PLXNB2: variants seen among roughly 807,000 people sequenced by gnomAD.
The protein encoded by PLXNB2 is plexin-B2.
In PLXNB2, 85 loss-of-function variants were observed where a neutral mutation model predicts 202.6. That is an observed-to-expected ratio of 0.42 (90% CI 0.35 to 0.50). The LOEUF is 0.50. Among genes scored for constraint, PLXNB2 ranks in the 20% least tolerant of loss-of-function variants. The probability of loss-of-function intolerance (pLI) is 0.02; values close to 1 mark genes in which losing one functional copy is unlikely to be tolerated. For missense variants in PLXNB2, 2,063 were observed against 2,586.2 expected, an observed-to-expected ratio of 0.80 and a Z score of 4.39; for synonymous variants, 1,239 against 1,137.6, an observed-to-expected ratio of 1.09 and a Z score of -1.79.
At chr22:50,276,509 C>T (rs1461768415) in intron 35 of PLXNB2, 120 bp downstream of exon 35, 10 of 876,894 alleles carry the variant, frequency 1.1e-5, no homozygotes, top group Admixed American at 3.7e-5. Context: ...CTCGAGGTCC[C>T]GCCCCACCCT....
At position 50,291,708 on chromosome 22, in the gene PLXNB2, T is replaced by G. The variant is rs1191551919; in HGVS notation, c.-13-1111A>C. ...CTCTCACGCTAGGGACCCTGCTCCA[T>G]CCTGGCCAGTGATCCCTACATCAGC... is the stretch of plus-strand genomic sequence containing the variant. On this transcript the variant is annotated intron_variant, in intron 2 of 36. Coordinates refer to ENST00000359337, the MANE Select transcript of PLXNB2 (RefSeq NM_012401.4). This position sits in a 1 kb window ranked among gnomAD's most constrained non-coding sequence, Gnocchi z 4.3. Among the ~76,000 whole-genome samples, 3 of 152,054 alleles carry G rather than the reference T, an allele frequency of 2.0e-5. No homozygotes were observed. Among genetic ancestry groups the G allele is most frequent in the Admixed American group, 6.5e-5 (1 of 15,272 alleles).
chr22:50,297,058 C>T lies in PLXNB2; in HGVS notation c.-73-2280G>A, dbSNP rs192075326. Among the ~76,000 whole-genome samples the T allele has an allele frequency of 1.5e-3, 227 of 152,318 alleles. No individual in the cohort carries two copies. The highest frequency in any genetic ancestry group is 3.4e-3 in the Middle Eastern group (1 of 294). On this transcript the variant is annotated intron_variant, in intron 1 of 36. Transcript: ENST00000359337. This position sits in a 1 kb window ranked among gnomAD's most constrained non-coding sequence, Gnocchi z 5.3. ...TTGTGAAAAGGGCAAAAGGCTGCTCCTCTGGCAAACTCAGGAGCCAAAGCA... is the reference window on the plus strand; with the variant it reads ...TTGTGAAAAGGGCAAAAGGCTGCTCTTCTGGCAAACTCAGGAGCCAAAGCA...
chr22:50,288,784 A>T lies in PLXNB2; in HGVS notation c.1339T>A (p.Ser447Thr). Residue 447 changes from serine to threonine, a missense_variant, in exon 5 of 37, where the codon TCT (serine) becomes ACT (threonine). Physicochemically the swap from Ser to Thr is moderately conservative, Grantham distance 58. Around this residue, in one of 2 missense-constraint regions of PLXNB2, gnomAD observed 1,303 missense variants for 1,476.8 expected, o/e 0.88. Coordinates refer to ENST00000359337, the MANE Select transcript of PLXNB2 (RefSeq NM_012401.4). The surrounding 1 kb of genome is among the most constrained non-coding windows in gnomAD (Gnocchi z 5.0). ...GCGTACAGGCTGCCCAGGTCTCCAG[A>T]CAGTACCAGGTCGCGCTTGACTCTC... ...NKRVKRDLVL[S>T]GDLGSLYAMT... 1 of 1,613,098 alleles carries T rather than the reference A, an allele frequency of 6.2e-7. No homozygotes were observed. The highest frequency in any genetic ancestry group is 8.5e-7 in the Non-Finnish European group (1 of 1,179,940).
intron 20 of PLXNB2, 36 bp downstream of exon 20, chr22:50,281,818 G>A: frequency 6.3e-7 from 1 of 1,595,756 alleles, no homozygotes; most frequent in East Asian, 2.2e-5. Context: ...CCAGACCCGA[G>A]CAGGACCCAG....
intron 1 of PLXNB2, 126 bp from the exon 2 acceptor site, chr22:50,294,904 G>T: frequency 3.4e-6 from 1 of 290,268 alleles, no homozygotes; most frequent in Non-Finnish European, 5.2e-6. Flanking sequence ...CTGGCCTTTG[G>T]CTTCCCTCTG....
In PLXNB2 at chr22:50,283,963, C is replaced by T. The variant is rs1441358342; in HGVS notation, c.2291G>A (p.Arg764His). 2.6e-6 allele frequency: 4 copies of T among 1,550,702 alleles called. No homozygotes were observed. Among genetic ancestry groups the T allele is most frequent in the African/African-American group, 1.4e-5 (1 of 73,528 alleles). ...GGCCCGGCACAGGCTGCAGTCGCTG[C>T]GGCCAAAGGAGCAGTTGTAGAGGGT... ...HVTLYNCSFG[R>H]SDCSLCRAAN... Residue 764 changes from arginine to histidine, a missense_variant, in exon 14 of 37, where the codon CGC becomes CAC. Arg to His is a conservative substitution (Grantham distance 29, BLOSUM62 0). Around this residue, in one of 2 missense-constraint regions of PLXNB2, gnomAD observed 1,303 missense variants for 1,476.8 expected, o/e 0.88. Transcript: ENST00000359337.
chr22:50,286,158 G>A lies in PLXNB2; in HGVS notation c.1877+15C>T, dbSNP rs748522950. 9 of 1,609,950 alleles carry A rather than the reference G, an allele frequency of 5.6e-6. No homozygotes were observed. The Admixed American group carries it at 1.5e-4, about 27-fold the overall frequency. On this transcript the variant is annotated intron_variant, in intron 9 of 36. Transcript: ENST00000359337. Reference sequence around the variant, plus strand: ...TGGACGGGCAGGGTGGGGTCGATGGGCACAAGACACTCACGGCAGGTTCTC... The same window carrying A: ...TGGACGGGCAGGGTGGGGTCGATGGACACAAGACACTCACGGCAGGTTCTC...
At position 50,284,530 on chromosome 22, in the gene PLXNB2, CCCTGGGGTCCAGCAGCCGAGCCGG is replaced by C; in HGVS notation, c.2181+19_2181+42del. ...AGGTGACCCCCCACCCCACCCGGGG[CCCTGGGGTCCAGCAGCCGAGCCGG>C]CCTGCCCTGGAGCCGTACCTTTGGG... On this transcript the variant is annotated intron_variant, in intron 12 of 36. Transcript: ENST00000359337. This position sits in a 1 kb window ranked among gnomAD's most constrained non-coding sequence, Gnocchi z 8.0. The C allele has an allele frequency of 5.0e-6, 7 of 1,391,392 alleles. No individual in the cohort carries two copies. The highest frequency in any genetic ancestry group is 6.9e-6 in the Non-Finnish European group (7 of 1,009,160). 86.2% of individuals were successfully genotyped at this position (1,391,392 alleles called of 1,614,324 possible).
At chr22:50,287,857 C>A (rs113531897) in intron 6 of PLXNB2, 64 bp from the exon 7 acceptor site, 11 of 1,594,148 alleles carry the variant, frequency 6.9e-6, no homozygotes, top group Non-Finnish European at 8.5e-6. Flanking sequence ...CAGGACAGTG[C>A]GATGTGCCCC....
chr22:50,306,240 C>T lies in PLXNB2; in HGVS notation c.-74+1313G>A, dbSNP rs114660075. Among the ~76,000 whole-genome samples, 987 of 152,312 alleles carry T rather than the reference C, an allele frequency of 6.5e-3. 18 individuals carry two copies. The highest frequency in any genetic ancestry group is 0.023 in the African/African-American group (950 of 41,564). ...CAGACCTCAGGCCTCCCAGACCCCC[C>T]GGGACAGAGGTGGGCCCCCCATAGG... is the stretch of plus-strand genomic sequence containing the variant. On this transcript the variant is annotated intron_variant, in intron 1 of 36. Transcript: ENST00000359337.
chr22:50,280,714 G>GGGCCCCCCCCCCCC, intron 24 of PLXNB2, 30 bp downstream of exon 24: 4 of 1,528,902 alleles, frequency 2.6e-6, no homozygotes, highest in Non-Finnish European at 3.5e-6. Context: ...CCACCTGTGT[G>GGGCCCCCCCCCCCC]CCCTCCCGCC....
At position 50,278,219 on chromosome 22, in the gene PLXNB2, G is replaced by C. The variant is rs200430810; in HGVS notation, c.4785C>G (p.Thr1595=). Residue 1595 remains threonine (T), a synonymous_variant, in exon 31 of 37, where the codon ACC becomes ACG. Coordinates refer to ENST00000359337, the MANE Select transcript of PLXNB2 (RefSeq NM_012401.4). ...ENRVWHLVRP[T]DEVDEGKSKR... Reference sequence around the variant, plus strand: ...TGGACTTGCCCTCGTCCACCTCGTCGGTCGGCCGCACCAGGTGCCACACCC... The same window carrying C: ...TGGACTTGCCCTCGTCCACCTCGTCCGTCGGCCGCACCAGGTGCCACACCC... 48 of 1,609,842 alleles carry C rather than the reference G, an allele frequency of 3.0e-5. No individual in the cohort carries two copies. The East Asian group carries it at 4.0e-4, about 13-fold the overall frequency.
intron 1 of PLXNB2, chr22:50,301,394 C>T (rs1226327774): frequency 8.7e-6 from 8 of 916,358 alleles, no homozygotes; most frequent in Admixed American, 9.8e-5. Context: ...GGGTGGGCAC[C>T]GCCAGGCGCT....
At chr22:50,298,860 G>A (rs959373959) in intron 1 of PLXNB2, among the ~76,000 whole-genome samples, 6 of 152,200 alleles carry the variant, frequency 3.9e-5, no homozygotes, top group Non-Finnish European at 5.9e-5. Flanking sequence ...TGCCCAGACC[G>A]GTTTCGAACT....
intron 2 of PLXNB2, among the ~76,000 whole-genome samples, chr22:50,293,784 G>A (rs922649198): frequency 2.0e-4 from 30 of 152,204 alleles, no homozygotes; most frequent in Admixed American, 1.7e-3. Flanking sequence ...TCCACCCAGG[G>A]AAGACACTCA....
intron 18 of PLXNB2, 114 bp downstream of exon 18, chr22:50,282,597 C>CCT (rs1327365398): frequency 1.0e-5 from 8 of 779,970 alleles, no homozygotes; most frequent in Non-Finnish European, 1.2e-5. Flanking sequence ...CCGGAGGCCG[C>CCT]CTCCCGCTGC....
Position 50,283,753 on chromosome 22 carries a change from G to A in PLXNB2, c.2422-3C>T. 1 of 1,613,180 alleles carries A rather than the reference G, an allele frequency of 6.2e-7. No individual in the cohort carries two copies. Among genetic ancestry groups the A allele is most frequent in the Non-Finnish European group, 8.5e-7 (1 of 1,179,928 alleles). On this transcript the variant is annotated splice_polypyrimidine_tract_variant and splice_region_variant and intron_variant, in intron 14 of 36. Coordinates refer to ENST00000359337, the MANE Select transcript of PLXNB2 (RefSeq NM_012401.4). ...AGGGGGCCCGTCTCAGGCTGGATCT[G>A]AAACCACAGAGCCGGGTGAGCAGGG...
At chr22:50,285,227 G>C (rs28495496) in intron 11 of PLXNB2, among the ~76,000 whole-genome samples, 4 of 119,406 alleles carry the variant, frequency 3.3e-5, no homozygotes, top group African/African-American at 1.4e-4. Flanking sequence ...CTCCGCACCT[G>C]AGCCTGCCTG....
At position 50,289,219 on chromosome 22, in the gene PLXNB2, G is replaced by A; in HGVS notation, c.1069-77C>T. On this transcript the variant is annotated intron_variant, in intron 3 of 36. Transcript: ENST00000359337. The surrounding 1 kb of genome is among the most constrained non-coding windows in gnomAD (Gnocchi z 8.0). ...CTCTCCACTCGCGCTCCAAGACTCG[G>A]GACAGGCCCTTCCCTTCCCTCCGGC... is the stretch of plus-strand genomic sequence containing the variant. The A allele has an allele frequency of 7.6e-7, 1 of 1,309,074 alleles. No individual in the cohort carries two copies. The highest frequency in any genetic ancestry group is 1.5e-5 in the South Asian group (1 of 67,600). The allele number at this position is 1,309,074 out of a possible 1,614,324, so 81.1% of individuals were successfully genotyped here.
Sources: allele counts gnomAD v4.1 joint callset (sites outside exome capture counted in the v4.1 genomes callset), GRCh38; gene constraint gnomAD v4.1.1; regional missense constraint gnomAD v4.1.1; non-coding constraint Gnocchi (gnomAD v3.1); transcripts MANE v1.5; gene names NCBI Gene and HGNC (gene_info 2026-07-23, HGNC 2026-07-21).